PRKG1: variants seen among roughly 807,000 people sequenced by gnomAD.
PRKG1 encodes cGMP-dependent protein kinase 1.
A neutral mutation model predicts 88.1 loss-of-function variants in PRKG1; 35 were observed. The observed-to-expected ratio is 0.40, with a 90% CI of 0.30 to 0.53. PRKG1 has a LOEUF of 0.53. Among genes scored for constraint, PRKG1 ranks in the 20% least tolerant of loss-of-function variants. The pLI, the probability that PRKG1 is intolerant of heterozygous loss-of-function variation, is 0.59. For missense variants in PRKG1, 540 were observed against 839.8 expected (o/e 0.64, Z 4.41); for synonymous variants, 303 against 292.5 (o/e 1.04, Z -0.37).
intron 1 of PRKG1, among the ~76,000 whole-genome samples, chr10:51,139,869 T>G (rs1388356755): frequency 2.0e-5 from 3 of 152,244 alleles, no homozygotes; most frequent in Non-Finnish European, 4.4e-5. Context: ...GATTATACCA[T>G]GTCACTCATT....
At chr10:52,161,684 T>C (rs998811710) in intron 8 of PRKG1, among the ~76,000 whole-genome samples, 9 of 152,246 alleles carry the variant, frequency 5.9e-5, no homozygotes, top group Non-Finnish European at 1.2e-4. Flanking sequence ...TATTGGCAAA[T>C]AATGTAGAAG....
At chr10:51,570,893 C>T (rs1211927707) in intron 3 of PRKG1, among the ~76,000 whole-genome samples, 11 of 151,990 alleles carry the variant, frequency 7.2e-5, no homozygotes, top group Admixed American at 7.2e-4. Flanking sequence ...CCTAATGGAA[C>T]TGTAACCCAT....
At chr10:51,873,667 A>G (rs1055466128) in intron 4 of PRKG1, among the ~76,000 whole-genome samples, 1 of 151,514 alleles carries the variant, frequency 6.6e-6, no homozygotes, top group African/African-American at 2.4e-5. Flanking sequence ...AGTTGGGATT[A>G]CAGGTACGTG....
intron 7 of PRKG1, among the ~76,000 whole-genome samples, chr10:52,077,977 G>A (rs983624049): frequency 5.3e-5 from 8 of 152,196 alleles, no homozygotes; most frequent in African/African-American, 1.9e-4. Flanking sequence ...GGTGCCCTCA[G>A]CAGCAGTGGA....
intron 3 of PRKG1, among the ~76,000 whole-genome samples, chr10:51,629,099 T>G (rs557303195): frequency 1.3e-5 from 2 of 152,174 alleles, no homozygotes; most frequent in South Asian, 4.1e-4. Context: ...AAATATGGGG[T>G]GTGGAGGAAT....
At chr10:51,318,955 C>G (rs959942839) in intron 2 of PRKG1, among the ~76,000 whole-genome samples, 6 of 152,182 alleles carry the variant, frequency 3.9e-5, no homozygotes, top group Non-Finnish European at 8.8e-5. Flanking sequence ...TAAATAATTT[C>G]TGTAATAACA....
At chr10:51,838,397 A>G (rs1216418307) in intron 4 of PRKG1, among the ~76,000 whole-genome samples, 1 of 152,182 alleles carries the variant, frequency 6.6e-6, no homozygotes, top group East Asian at 1.9e-4. Flanking sequence ...AACATTTAAA[A>G]GCCATAGAGA....
At chr10:52,280,510 A>C (rs2132446969) in intron 12 of PRKG1, among the ~76,000 whole-genome samples, 1 of 152,270 alleles carries the variant, frequency 6.6e-6, no homozygotes, top group East Asian at 1.9e-4. Flanking sequence ...AGAGGAAGAC[A>C]CTAAGTACAT....
At chr10:51,934,423 T>C (rs1480671631) in intron 5 of PRKG1, among the ~76,000 whole-genome samples, 1 of 152,200 alleles carries the variant, frequency 6.6e-6, no homozygotes, top group Non-Finnish European at 1.5e-5. Context: ...CTTCACACTT[T>C]TGAAATCTAT....
chr10:51,472,683 A>G (rs1343353230), intron 3 of PRKG1, among the ~76,000 whole-genome samples: 4 of 151,968 alleles, frequency 2.6e-5, no homozygotes, highest in African/African-American at 9.7e-5. Flanking sequence ...ATAAAGACAC[A>G]TCCACATGTG....
At position 51,554,005 on chromosome 10, in the gene PRKG1, ATAT is replaced by A. The variant is rs1188301201; in HGVS notation, c.592+86173_592+86175del. ...TTATATATGCGTATGTGATACGTGC[ATAT>A]TATATGTGCGTATGTGATACGTGTA... is the stretch of plus-strand genomic sequence containing the variant. On this transcript the variant is annotated intron_variant, in intron 3 of 17. Transcript: ENST00000373980. Among the ~76,000 whole-genome samples, 6 of 141,870 alleles carry A rather than the reference ATAT, an allele frequency of 4.2e-5. 1 individual carries two copies. Among genetic ancestry groups the A allele is most frequent in the Non-Finnish European group, 9.0e-5 (6 of 66,778 alleles). 93.1% of individuals were successfully genotyped at this position (141,870 alleles called of 152,430 possible). A position where few individuals can be genotyped will look rare whatever the true frequency, so the allele number is the denominator to read the frequency against.
At chr10:52,032,732 T>TAAG (rs2133212270) in intron 5 of PRKG1, among the ~76,000 whole-genome samples, 1 of 152,254 alleles carries the variant, frequency 6.6e-6, no homozygotes, top group Non-Finnish European at 1.5e-5. Context: ...TAAATGCAAA[T>TAAG]AAGTTACCAC....
chr10:51,129,191 C>T (rs943732989), intron 1 of PRKG1, among the ~76,000 whole-genome samples: 6 of 152,126 alleles, frequency 3.9e-5, no homozygotes, highest in Admixed American at 3.9e-4. Flanking sequence ...AAGACATAAA[C>T]AGGGCCGGGT....
At chr10:51,693,515 C>T (rs1383261872) in intron 3 of PRKG1, among the ~76,000 whole-genome samples, 1 of 151,984 alleles carries the variant, frequency 6.6e-6, no homozygotes, top group Non-Finnish European at 1.5e-5. Flanking sequence ...GCTTCTCGTG[C>T]CTCAGACTCC....
intron 2 of PRKG1, among the ~76,000 whole-genome samples, chr10:51,283,691 A>G (rs1840360401): frequency 6.6e-6 from 1 of 152,172 alleles, no homozygotes. Context: ...GGGAATCATG[A>G]AAGATCTTGA....
chr10:51,527,648 A>T (rs1239187284), intron 3 of PRKG1, among the ~76,000 whole-genome samples: 3 of 152,234 alleles, frequency 2.0e-5, no homozygotes, highest in African/African-American at 7.2e-5. Flanking sequence ...TCTAGACGTT[A>T]TAGAGCGATT....
intron 5 of PRKG1, among the ~76,000 whole-genome samples, chr10:52,046,298 A>G (rs1845861495): frequency 6.6e-6 from 1 of 152,116 alleles, no homozygotes; most frequent in African/African-American, 2.4e-5. Context: ...ACATGCACTC[A>G]TCATCTGAGC....
intron 2 of PRKG1, among the ~76,000 whole-genome samples, chr10:51,438,090 T>C (rs11591240): frequency 0.25 from 38,226 of 151,510 alleles, 5,690 homozygotes; most frequent in Non-Finnish European, 0.34. Context: ...AGAATTTGAA[T>C]TTAACAGGAA....
intron 4 of PRKG1, among the ~76,000 whole-genome samples, chr10:51,827,501 C>T (rs567783537): frequency 6.6e-6 from 1 of 152,120 alleles, no homozygotes; most frequent in East Asian, 1.9e-4. Flanking sequence ...ATTTTTGATA[C>T]TCTTAATTTC....
Sources: gnomAD v4.1 joint callset for allele counts (sites outside exome capture counted in the v4.1 genomes callset) on GRCh38, gnomAD v4.1.1 for gene constraint, MANE v1.5 for transcripts, NCBI Gene and HGNC (gene_info 2026-07-23, HGNC 2026-07-21) for gene names.